Variants in OR2C3 observed in about 807,000 individuals in gnomAD.
OR2C3 encodes olfactory receptor family 2 subfamily C member 3, also known as olfactory receptor 2C3.
For missense variants in OR2C3, 425 were observed against 401.5 expected, an observed-to-expected ratio of 1.06 and a Z score of -0.50; for synonymous variants, 178 against 163.4, an observed-to-expected ratio of 1.09 and a Z score of -0.68.
rs940195732 is a variant in OR2C3, at chr1:247,528,429, G to A, written c.*3120C>T. 2.0e-5 allele frequency: 3 copies of A among 152,156 alleles called. No homozygotes were observed. The highest frequency in any genetic ancestry group is 7.2e-5 in the African/African-American group (3 of 41,432). 9.4% of individuals were successfully genotyped at this position (152,156 alleles called of 1,614,324 possible). On this transcript the variant is annotated 3_prime_UTR_variant, in exon 3 of 3. Transcript: ENST00000641802. ...CTTCACAACATGCATGAACCTAGAA[G>A]ACATTGTGTTAAGTGAAATAAGCCA...
chr1:247,526,760 A>T lies in OR2C3; in HGVS notation c.*4789T>A, dbSNP rs1016172769. 1 of 360,060 alleles carries T rather than the reference A, an allele frequency of 2.8e-6. No homozygotes were observed. The highest frequency in any genetic ancestry group is 5.4e-6 in the Non-Finnish European group (1 of 185,114). 22.3% of individuals were successfully genotyped at this position (360,060 alleles called of 1,614,324 possible). A position where few individuals can be genotyped will look rare whatever the true frequency, so the allele number is the denominator to read the frequency against. ...AGCCTATGGTTGCTGCAAGAGGAAT[A>T]AAAGAAAAGATGGAGCCTAGAAAAT... On this transcript the variant is annotated 3_prime_UTR_variant, in exon 3 of 3. Coordinates refer to ENST00000641802, the MANE Select transcript of OR2C3 (RefSeq NM_198074.6). The surrounding 1 kb of genome is among the most constrained non-coding windows in gnomAD (Gnocchi z 4.8).
Position 247,531,209 on chromosome 1 carries a change from T to C in OR2C3, c.*340A>G, listed in dbSNP as rs1007186005. On this transcript the variant is annotated 3_prime_UTR_variant, in exon 3 of 3. Transcript: ENST00000641802. ...CCGGTCTCCCCGCGCGCTCTCAGCG[T>C]CGTCAAAGTTTATTATCCACGGAGC... 12 of 269,294 alleles carry C rather than the reference T, an allele frequency of 4.5e-5. No homozygotes were observed. The highest frequency in any genetic ancestry group is 2.7e-4 in the African/African-American group (12 of 44,622). The allele number at this position is 269,294 out of a possible 1,614,324, so 16.7% of individuals were successfully genotyped here. A position where few individuals can be genotyped will look rare whatever the true frequency, so the allele number is the denominator to read the frequency against.
intron 1 of OR2C3, among the ~76,000 whole-genome samples, chr1:247,534,145 A>G (rs12036349): frequency 0.22 from 34,181 of 152,118 alleles, 4,644 homozygotes; most frequent in East Asian, 0.45. Context: ...TTATTTTTAT[A>G]TAAGGTGATA....
Position 247,526,592 on chromosome 1 carries a change from C to T in OR2C3, c.*4957G>A, listed in dbSNP as rs1666691796. 5.2e-6 allele frequency: 1 copy of T among 193,914 alleles called. No individual in the cohort carries two copies. Among genetic ancestry groups the T allele is most frequent in the African/African-American group, 2.4e-5 (1 of 42,218 alleles). The allele number at this position is 193,914 out of a possible 1,614,324, so 12.0% of individuals were successfully genotyped here. A position where few individuals can be genotyped will look rare whatever the true frequency, so the allele number is the denominator to read the frequency against. ...GTCAATGTGGCCTGGGTCCTTCACT[C>T]TCCACATTTCTCAGCTGTGCATGCT... On this transcript the variant is annotated 3_prime_UTR_variant, in exon 3 of 3. Transcript: ENST00000641802. The surrounding 1 kb of genome is among the most constrained non-coding windows in gnomAD (Gnocchi z 4.8).
chr1:247,535,224 A>G (rs1425449125), intron 1 of OR2C3, among the ~76,000 whole-genome samples: 3 of 152,204 alleles, frequency 2.0e-5, no homozygotes, highest in African/African-American at 7.2e-5. Flanking sequence ...CTGAGGCTAG[A>G]GGATGGCTTC....
rs766874006 is a variant in OR2C3, at chr1:247,529,815, C to T, written c.*1734G>A. 3.4e-5 allele frequency: 5 copies of T among 148,254 alleles called. No homozygotes were observed. The East Asian group carries it at 1.0e-3, about 30-fold the overall frequency. The allele number at this position is 148,254 out of a possible 1,614,324, so 9.2% of individuals were successfully genotyped here. Reference sequence around the variant, plus strand: ...TACCCTTTATAATGTGAGTGGGTCTCATCCCATCAGTTGAAAGCCTTAAGA... The same window carrying T: ...TACCCTTTATAATGTGAGTGGGTCTTATCCCATCAGTTGAAAGCCTTAAGA... On this transcript the variant is annotated 3_prime_UTR_variant, in exon 3 of 3. Transcript: ENST00000641802.
rs1239516540 is a variant in OR2C3, at chr1:247,531,867, G to A, written c.645C>T (p.Ile215=). ...FVFVVLPLGL[I]LVSYGHIARA... ...GGGCAATGTGGCCGTAAGAGACCAG[G>A]ATGAGCCCCAGAGGCAGGACAACAA... The change falls in exon 3 of 3, where the codon ATC becomes ATT. Residue 215 remains isoleucine, a synonymous_variant. Transcript: ENST00000641802. 1.2e-6 allele frequency: 2 copies of A among 1,614,232 alleles called. No individual in the cohort carries two copies. Among genetic ancestry groups the A allele is most frequent in the Non-Finnish European group, 1.7e-6 (2 of 1,180,044 alleles).
rs530829610 is a variant in OR2C3, at chr1:247,528,391, T to C, written c.*3158A>G. ...TTGTCATTTCTTTGTGGTGAGAGCG[T>C]TCAAAATCCTGTCTTCACAACATGC... On this transcript the variant is annotated 3_prime_UTR_variant, in exon 3 of 3. Transcript: ENST00000641802. 6.6e-6 allele frequency: 1 copy of C among 152,306 alleles called. No homozygotes were observed. The highest frequency in any genetic ancestry group is 2.4e-5 in the African/African-American group (1 of 41,564). 9.4% of individuals were successfully genotyped at this position (152,306 alleles called of 1,614,324 possible). A position where few individuals can be genotyped will look rare whatever the true frequency, so the allele number is the denominator to read the frequency against.
chr1:247,536,087 A>G (rs1301003517), intron 1 of OR2C3, 81 bp downstream of exon 1: 2 of 150,766 alleles, frequency 1.3e-5, no homozygotes, highest in East Asian at 3.9e-4. Context: ...GAATTACCAG[A>G]AAGTCTGAGA....
rs1220116789 is a variant in OR2C3, at chr1:247,532,164, C to T, written c.348G>A (p.Leu116=). The change falls in exon 3 of 3, where the codon CTG becomes CTA. Residue 116 remains leucine (L), a synonymous_variant. Transcript: ENST00000641802. Reference sequence around the variant, plus strand: ...CGTAGCGGTCATAGGACATGGTGGCCAGCAGGACACACTCGGTTGCCCCCA... The same window carrying T: ...CGTAGCGGTCATAGGACATGGTGGCTAGCAGGACACACTCGGTTGCCCCCA... ...HWLGATECVL[L]ATMSYDRYAA... is the part of the protein sequence containing the mutation. 3.1e-6 allele frequency: 5 copies of T among 1,613,980 alleles called. No homozygotes were observed. Among genetic ancestry groups the T allele is most frequent in the Non-Finnish European group, 4.2e-6 (5 of 1,180,020 alleles).
At chr1:247,535,940 C>G (rs1327595934) in intron 1 of OR2C3, among the ~76,000 whole-genome samples, 1 of 152,192 alleles carries the variant, frequency 6.6e-6, no homozygotes, top group Non-Finnish European at 1.5e-5. Context: ...AAGGAAACGT[C>G]TTGAGTTCAA....
Position 247,525,809 on chromosome 1 carries a change from G to C in OR2C3, c.*5740C>G, listed in dbSNP as rs1302243768. The C allele has an allele frequency of 2.0e-5, 3 of 152,142 alleles. No homozygotes were observed. In the East Asian group the frequency reaches 5.8e-4, roughly 29 times the overall value. 9.4% of individuals were successfully genotyped at this position (152,142 alleles called of 1,614,324 possible). On this transcript the variant is annotated 3_prime_UTR_variant, in exon 3 of 3. Transcript: ENST00000641802. ...TATCTTAATTCTCTAATTCTGCCTT[G>C]GTCTTTCAGGTGCCCAGCTCCCATC...
chr1:247,532,449 T>A lies in OR2C3; in HGVS notation c.63A>T (p.Arg21=), dbSNP rs758305368. Residue 21 remains arginine, a synonymous_variant, in exon 3 of 3, where the codon CGA becomes CGT. Coordinates refer to ENST00000641802, the MANE Select transcript of OR2C3 (RefSeq NM_198074.6). The stretch of plus-strand genomic sequence containing the variant: ...TGAAGAGGACAGTTTCTAGTGAGGG[T>A]CGTGTGGAGAAGCCCAGGAGGACAA... The part of the protein sequence containing the change: ...EVFVLLGFST[R]PSLETVLFIV... The A allele has an allele frequency of 6.2e-7, 1 of 1,613,828 alleles. No homozygotes were observed. The highest frequency in any genetic ancestry group is 1.7e-5 in the Admixed American group (1 of 60,012).
rs747444615 is a variant in OR2C3, at chr1:247,531,926, T to C, written c.586A>G (p.Asn196Asp). The C allele has an allele frequency of 1.2e-6, 2 of 1,614,092 alleles. No individual in the cohort carries two copies. The highest frequency in any genetic ancestry group is 1.7e-5 in the Admixed American group (1 of 60,018). Residue 196 changes from asparagine to aspartate, a missense_variant, in exon 3 of 3, where the codon AAT becomes GAT. Asn to Asp is a conservative substitution (Grantham distance 23, BLOSUM62 1). Coordinates refer to ENST00000641802, the MANE Select transcript of OR2C3 (RefSeq NM_198074.6). The stretch of plus-strand genomic sequence containing the variant: ...CTGGCCAGGTACATCTCCATCTCAT[T>C]GAGGCTGGTATCCACACAAGCCAGT... ...MQLACVDTSL[N>D]EMEMYLASFV...
At chr1:247,534,398 T>C (rs575148236) in intron 1 of OR2C3, among the ~76,000 whole-genome samples, 7 of 151,958 alleles carry the variant, frequency 4.6e-5, no homozygotes, top group African/African-American at 7.3e-5. Context: ...GAAGGCAGAG[T>C]GGAAGGACTC....
rs539544027 is a variant in OR2C3, at chr1:247,531,113, G to C, written c.*436C>G. The C allele has an allele frequency of 1.8e-5, 3 of 168,738 alleles. No individual in the cohort carries two copies. Among genetic ancestry groups the C allele is most frequent in the African/African-American group, 4.8e-5 (2 of 41,734 alleles). 10.5% of individuals were successfully genotyped at this position (168,738 alleles called of 1,614,324 possible). Reference sequence around the variant, plus strand: ...TCCGGAGCCTGCAAGGCGGAGTCCCGGGCTCAGCTCACCCCAGGCGCAGGC... The same window carrying C: ...TCCGGAGCCTGCAAGGCGGAGTCCCCGGCTCAGCTCACCCCAGGCGCAGGC... On this transcript the variant is annotated 3_prime_UTR_variant, in exon 3 of 3. Transcript: ENST00000641802.
Sources: allele counts gnomAD v4.1 joint callset (sites outside exome capture counted in the v4.1 genomes callset), GRCh38; gene constraint gnomAD v4.1.1; non-coding constraint Gnocchi (gnomAD v3.1); transcripts MANE v1.5; gene names NCBI Gene and HGNC (gene_info 2026-07-23, HGNC 2026-07-21).